PHEX: variants seen among roughly 807,000 people sequenced by gnomAD.
PHEX encodes the protein phosphate-regulating neutral endopeptidase PHEX.
A neutral mutation model predicts 68.0 loss-of-function variants in PHEX; 16 were observed. That is an observed-to-expected ratio of 0.24 (90% CI 0.16 to 0.36). PHEX has a LOEUF of 0.36. Among genes scored for constraint, PHEX ranks in the 10% least tolerant of loss-of-function variants. The pLI, the probability that PHEX is intolerant of heterozygous loss-of-function variation, is 1.00. For missense variants in PHEX, 480 were observed against 575.5 expected (o/e 0.83, Z 1.70); for synonymous variants, 208 against 205.1 (o/e 1.01, Z -0.12).
chrX:22,215,082 A>G lies in PHEX; in HGVS notation c.1700+2124A>G, dbSNP rs370213156. ...TAACTGAGCTTCTATTATTGTGGTT[A>G]TATAGCTGGAGACTAGGAAATAGTC... On this transcript the variant is annotated intron_variant, in intron 16 of 21. Coordinates refer to ENST00000379374, the MANE Select transcript of PHEX (RefSeq NM_000444.6). Among the ~76,000 whole-genome samples the G allele has an allele frequency of 6.3e-5, 7 of 111,950 alleles. No homozygotes were observed. The East Asian group carries it at 1.4e-3, about 22-fold the overall frequency.
chrX:22,110,875 G>C (rs1029986156), intron 9 of PHEX, among the ~76,000 whole-genome samples: 1 of 112,128 alleles, frequency 8.9e-6, no homozygotes, highest in East Asian at 2.8e-4. Flanking sequence ...TCCAGCCCTG[G>C]CTAGGATGCC....
intron 12 of PHEX, among the ~76,000 whole-genome samples, chrX:22,135,426 C>A (rs1932187315): frequency 8.9e-6 from 1 of 112,085 alleles, no homozygotes; most frequent in Admixed American, 9.5e-5. Context: ...CTCGCCTGAC[C>A]CCACATGAAC....
chrX:22,054,430 C>T (rs775056477), intron 3 of PHEX, among the ~76,000 whole-genome samples: 2 of 112,095 alleles, frequency 1.8e-5, no homozygotes, highest in Non-Finnish European at 3.8e-5. Flanking sequence ...CCACCGCACC[C>T]GGCCACTTCA....
intron 16 of PHEX, among the ~76,000 whole-genome samples, chrX:22,218,001 G>A (rs745698404): frequency 9.1e-6 from 1 of 110,304 alleles, no homozygotes; most frequent in Admixed American, 9.6e-5. Context: ...GCTGGCCGGG[G>A]TCGCTCAACT....
chrX:22,077,675 C>G lies in PHEX; in HGVS notation c.636C>G (p.Asp212Glu). ...VFIRLYVSPD[D>E]KASNEHILKL... ...TCCGTTTGTATGTGTCCCCTGATGA[C>G]AAAGCATCCAATGAACATATCTTGA... is the stretch of plus-strand genomic sequence containing the variant. The change falls in exon 5 of 22, where the codon GAC becomes GAG. Residue 212 changes from aspartate (D) to glutamate (E), a missense_variant. Asp to Glu is a conservative substitution (Grantham distance 45, BLOSUM62 2). Transcript: ENST00000379374. The G allele has an allele frequency of 8.3e-7, 1 of 1,202,490 alleles. No homozygotes were observed. Among genetic ancestry groups the G allele is most frequent in the Middle Eastern group, 2.3e-4 (1 of 4,333 alleles).
chrX:22,033,149 G>T (rs781744295), intron 1 of PHEX, 26 bp downstream of exon 1: 1 of 1,040,958 alleles, frequency 9.6e-7, no homozygotes. Flanking sequence ...GAGGCCGGGG[G>T]AACTGGGTGT....
chrX:22,140,255 C>G (rs1372632158), intron 12 of PHEX, among the ~76,000 whole-genome samples: 1 of 110,229 alleles, frequency 9.1e-6, no homozygotes, highest in Admixed American at 9.7e-5. Flanking sequence ...GGTGGGTCCC[C>G]TGAGTGAGTA....
intron 18 of PHEX, among the ~76,000 whole-genome samples, chrX:22,225,894 G>A (rs1467300097): frequency 1.8e-5 from 2 of 111,742 alleles, no homozygotes; most frequent in Non-Finnish European, 3.8e-5. Flanking sequence ...CATACATATC[G>A]CAGACCTCGA....
intron 14 of PHEX, among the ~76,000 whole-genome samples, chrX:22,179,485 C>G (rs1461575801): frequency 1.8e-5 from 2 of 109,034 alleles, no homozygotes; most frequent in East Asian, 2.9e-4. Context: ...CCCCCTCCCA[C>G]TCTTTCCCCC....
Position 22,249,776 on chromosome X carries a change from T to C in PHEX, c.*1823T>C, listed in dbSNP as rs1272831591. ...CTGGAGGAAGCATTCTGACTTGGTT[T>C]AGACATATAAGATACTCTGTTTTAT... On this transcript the variant is annotated 3_prime_UTR_variant, in exon 22 of 22. Transcript: ENST00000379374. 2 of 110,179 alleles carry C rather than the reference T, an allele frequency of 1.8e-5. No individual in the cohort carries two copies. Among genetic ancestry groups the C allele is most frequent in the Admixed American group, 2.0e-4 (2 of 10,246 alleles). 9.1% of individuals were successfully genotyped at this position (110,179 alleles called of 1,213,427 possible).
At chrX:22,040,018 G>A (rs967011714) in intron 2 of PHEX, among the ~76,000 whole-genome samples, 7 of 111,709 alleles carry the variant, frequency 6.3e-5, no homozygotes, top group African/African-American at 2.0e-4. Context: ...TTAGGACACC[G>A]AAAGCGGCGG....
rs16981870 is a variant in PHEX at position 22,226,567 on chromosome X, G to T, written c.1965+59G>T. On this transcript the variant is annotated intron_variant, in intron 19 of 21. Coordinates refer to ENST00000379374, the MANE Select transcript of PHEX (RefSeq NM_000444.6). Reference sequence around the variant, plus strand: ...ATCAAGCCATAAAACACCATATGGGGGTACCTCAATTCATACCATAGCCAT... The same window carrying T: ...ATCAAGCCATAAAACACCATATGGGTGTACCTCAATTCATACCATAGCCAT... 1,419 of 872,578 alleles carry T rather than the reference G, an allele frequency of 1.6e-3. 14 individuals carry two copies. In the African/African-American group the frequency reaches 0.023, roughly 14 times the overall value. 71.9% of individuals were successfully genotyped at this position (872,578 alleles called of 1,213,427 possible). A position where few individuals can be genotyped will look rare whatever the true frequency, so the allele number is the denominator to read the frequency against.
chrX:22,128,369 C>G (rs1245917101), intron 11 of PHEX, among the ~76,000 whole-genome samples: 3 of 110,907 alleles, frequency 2.7e-5, no homozygotes, highest in Admixed American at 9.8e-5. Context: ...GCCCTGAAAA[C>G]CTTTTCAAAA....
rs184451726 is a variant in PHEX, at chrX:22,163,639, C to T, written c.1405-4673C>T. 1.9e-3 allele frequency among the ~76,000 whole-genome samples: 208 copies of T among 111,540 alleles called. 1 individual carries two copies. Among genetic ancestry groups the T allele is most frequent in the African/African-American group, 6.6e-3 (203 of 30,741 alleles). On this transcript the variant is annotated intron_variant, in intron 12 of 21. Coordinates refer to ENST00000379374, the MANE Select transcript of PHEX (RefSeq NM_000444.6). ...CAAACAGCCTAGGAAATATTTCTTG[C>T]AGGATATAATATGCAATCTGTTAAA...
intron 11 of PHEX, among the ~76,000 whole-genome samples, chrX:22,125,673 C>G (rs754592864): frequency 8.9e-6 from 1 of 111,871 alleles, no homozygotes; most frequent in Non-Finnish European, 1.9e-5. Context: ...TACAGTCATT[C>G]TGGAGACATT....
chrX:22,139,406 A>AAATAT (rs1932363338), intron 12 of PHEX, among the ~76,000 whole-genome samples: 1 of 112,278 alleles, frequency 8.9e-6, no homozygotes, highest in African/African-American at 3.2e-5. Context: ...GAACAAATTC[A>AAATAT]GTATTGTCGT....
At chrX:22,108,815 A>G (rs1463683323) in intron 9 of PHEX, among the ~76,000 whole-genome samples, 1 of 109,811 alleles carries the variant, frequency 9.1e-6, no homozygotes, top group Non-Finnish European at 1.9e-5. Flanking sequence ...GGTGGCGGGC[A>G]TGTGTAATCC....
intron 15 of PHEX, among the ~76,000 whole-genome samples, chrX:22,201,504 G>T (rs1350230611): frequency 1.1e-5 from 1 of 94,186 alleles, no homozygotes; most frequent in East Asian, 2.8e-4. Context: ...CGATTTTAAG[G>T]CATTCTTGTC....
intron 12 of PHEX, among the ~76,000 whole-genome samples, chrX:22,144,896 G>C (rs1445107178): frequency 9.0e-6 from 1 of 111,573 alleles, no homozygotes; most frequent in Non-Finnish European, 1.9e-5. Context: ...TGAGTCATTT[G>C]TCTGGTAGAA....
Sources: gnomAD v4.1 joint callset for allele counts (sites outside exome capture counted in the v4.1 genomes callset) on GRCh38, gnomAD v4.1.1 for gene constraint, MANE v1.5 for transcripts, NCBI Gene and HGNC (gene_info 2026-07-23, HGNC 2026-07-21) for gene names.